Variants in UGT2B4 observed in about 807,000 individuals in gnomAD.
UGT2B4 encodes UDP-glucuronosyltransferase 2B4.
A neutral mutation model predicts 49.8 loss-of-function variants in UGT2B4; 49 were observed. The observed-to-expected ratio is 0.98, with a 90% CI of 0.78 to 1.25. The LOEUF is 1.25. Among genes scored for constraint, UGT2B4 ranks in the 50% most tolerant of loss-of-function variants. The pLI, the probability that UGT2B4 is intolerant of heterozygous loss-of-function variation, is 0.00. For synonymous variants in UGT2B4, 246 were observed against 217.7 expected, an observed-to-expected ratio of 1.13 and a Z score of -1.14; for missense variants, 729 against 627.7, an observed-to-expected ratio of 1.16 and a Z score of -1.73.
At chr4:69,510,744 A>G (rs74921668) in intron 1 of UGT2B4, among the ~76,000 whole-genome samples, 2,942 of 152,142 alleles carry the variant, frequency 0.019, 49 homozygotes, top group South Asian at 0.065. Context: ...TTTTTCACAT[A>G]TAATATCATG....
chr4:69,493,718 C>T lies in UGT2B4; in HGVS notation c.845G>A (p.Cys282Tyr). 1.9e-6 allele frequency: 3 copies of T among 1,608,392 alleles called. No homozygotes were observed. Among genetic ancestry groups the T allele is most frequent in the Non-Finnish European group, 2.5e-6 (3 of 1,177,960 alleles). Residue 282 changes from cysteine (C) to tyrosine (Y), a missense_variant, in exon 2 of 6, where the codon TGC becomes TAC. By Grantham distance (194) the Cys-to-Tyr change is radical. Coordinates refer to ENST00000305107, the MANE Select transcript of UGT2B4 (RefSeq NM_021139.3). ...CTTCGGTAGGGGTTTGGCAGGTTTG[C>T]AGTGGAGTCCTCCAACGAACTCAAC... Reference protein sequence around the residue: ...PNVEFVGGLHCKPAKPLPKEM... With the variant: ...PNVEFVGGLHYKPAKPLPKEM...
intron 1 of UGT2B4, among the ~76,000 whole-genome samples, chr4:69,502,091 C>CTCTCTCTT (rs1553896639): frequency 1.8e-4 from 20 of 108,522 alleles, no homozygotes; most frequent in African/African-American, 5.1e-4. Context: ...TTCTTTCTCT[C>CTCTCTCTT]TCTTTCTTTC....
At chr4:69,494,672 G>A (rs113862026) in intron 1 of UGT2B4, among the ~76,000 whole-genome samples, 4 of 152,172 alleles carry the variant, frequency 2.6e-5, no homozygotes, top group Admixed American at 6.5e-5. Context: ...TGGAGGAAAC[G>A]TTCTAGTAAC....
chr4:69,480,907 A>G lies in UGT2B4; in HGVS notation c.1314T>C (p.Tyr438=). 3.1e-6 allele frequency: 5 copies of G among 1,613,002 alleles called. No homozygotes were observed. The highest frequency in any genetic ancestry group is 4.2e-6 in the Non-Finnish European group (5 of 1,179,328). ...ALKTVINDPL[Y]KENAMKLSRI... is the part of the protein sequence containing the mutation. ...TTGATAATTTCATAGCATTCTCTTTATATCTAAACGATAAGCAGAAAAGTA... is the reference window on the plus strand; with the variant it reads ...TTGATAATTTCATAGCATTCTCTTTGTATCTAAACGATAAGCAGAAAAGTA... The change falls in exon 6 of 6, where the codon TAT becomes TAC. Residue 438 remains tyrosine, a synonymous_variant. Coordinates refer to ENST00000305107, the MANE Select transcript of UGT2B4 (RefSeq NM_021139.3).
At chr4:69,502,661 C>T (rs1386953885) in intron 1 of UGT2B4, among the ~76,000 whole-genome samples, 2 of 152,106 alleles carry the variant, frequency 1.3e-5, no homozygotes, top group African/African-American at 4.8e-5. Flanking sequence ...CCACTCCCTG[C>T]CAGAACTATT....
At chr4:69,523,755 A>T (rs1728899135) in intron 1 of UGT2B4, among the ~76,000 whole-genome samples, 1 of 152,116 alleles carries the variant, frequency 6.6e-6, no homozygotes, top group South Asian at 2.1e-4. Context: ...TCACTATTAA[A>T]GACTCAAGTG....
chr4:69,512,645 T>G (rs550473150), intron 1 of UGT2B4, among the ~76,000 whole-genome samples: 5 of 152,332 alleles, frequency 3.3e-5, no homozygotes, highest in African/African-American at 1.2e-4. Context: ...TCTTCCATGA[T>G]GGTTGAAGTA....
intron 1 of UGT2B4, among the ~76,000 whole-genome samples, chr4:69,520,294 G>A (rs1413568708): frequency 6.6e-6 from 1 of 152,142 alleles, no homozygotes; most frequent in East Asian, 1.9e-4. Context: ...ATTCACTATT[G>A]ATGACAGCTC....
At chr4:69,482,763 T>C (rs935912799) in intron 5 of UGT2B4, among the ~76,000 whole-genome samples, 2 of 151,924 alleles carry the variant, frequency 1.3e-5, no homozygotes, top group South Asian at 2.1e-4. Flanking sequence ...CGCACCACCA[T>C]GCTTGGCTAA....
At chr4:69,493,469 A>G (rs1371675765) in intron 2 of UGT2B4, among the ~76,000 whole-genome samples, 1 of 152,158 alleles carries the variant, frequency 6.6e-6, no homozygotes, top group East Asian at 1.9e-4. Context: ...GCTTTAATTT[A>G]CCAACCCTAT....
intron 3 of UGT2B4, among the ~76,000 whole-genome samples, chr4:69,487,607 G>A (rs931308933): frequency 6.6e-6 from 1 of 151,988 alleles, no homozygotes; most frequent in Non-Finnish European, 1.5e-5. Flanking sequence ...TGGGGGTTGG[G>A]AGGAGAGAAA....
rs945497111 is a variant in UGT2B4, at chr4:69,492,636, G to A, written c.870+1057C>T. ...ATAATATCTCAAGTGACTTACACAT[G>A]TTAAGTAATTCATAGTATTAGTAAT... On this transcript the variant is annotated intron_variant, in intron 2 of 5. Transcript: ENST00000305107. Among the ~76,000 whole-genome samples the A allele has an allele frequency of 1.8e-4, 28 of 152,188 alleles. 1 individual carries two copies. The highest frequency in any genetic ancestry group is 6.3e-4 in the African/African-American group (26 of 41,558).
intron 3 of UGT2B4, among the ~76,000 whole-genome samples, chr4:69,486,998 A>G (rs573502614): frequency 1.4e-4 from 22 of 152,222 alleles, no homozygotes; most frequent in Non-Finnish European, 2.4e-4. Context: ...ACTATATGAA[A>G]AAAAGGTTTA....
At chr4:69,502,310 G>T (rs1302017514) in intron 1 of UGT2B4, among the ~76,000 whole-genome samples, 1 of 151,764 alleles carries the variant, frequency 6.6e-6, no homozygotes, top group Non-Finnish European at 1.5e-5. Context: ...GTATTTTGCT[G>T]CAGCTATCAA....
intron 5 of UGT2B4, among the ~76,000 whole-genome samples, chr4:69,482,617 C>G (rs537720946): frequency 1.2e-3 from 181 of 150,454 alleles, no homozygotes; most frequent in African/African-American, 4.2e-3. Flanking sequence ...TTTTTTTTTC[C>G]TTTTTTTGAG....
chr4:69,500,618 A>AAG (rs1560438352), upstream of UGT2B4, among the ~76,000 whole-genome samples: 70 of 82,564 alleles, frequency 8.5e-4, 1 homozygote, highest in Non-Finnish European at 1.7e-3. Context: ...AGAAAGAAAG[A>AAG]AAGAAAGAAA....
intron 2 of UGT2B4, among the ~76,000 whole-genome samples, chr4:69,490,204 T>C (rs931003773): frequency 2.0e-5 from 3 of 152,142 alleles, no homozygotes; most frequent in African/African-American, 7.2e-5. Flanking sequence ...TCTGCTGTTG[T>C]GGTTTGGAAT....
At chr4:69,496,131 C>T (rs919709166), upstream of UGT2B4, among the ~76,000 whole-genome samples, 6 of 152,024 alleles carry the variant, frequency 3.9e-5, no homozygotes, top group African/African-American at 1.4e-4. Context: ...CACCACTCTC[C>T]TGCCTCAGCC....
At chr4:69,521,748 G>A (rs754421040) in intron 1 of UGT2B4, among the ~76,000 whole-genome samples, 1 of 152,236 alleles carries the variant, frequency 6.6e-6, no homozygotes. Flanking sequence ...GGTTCTGGCT[G>A]GTGAAGCGAT....
Sources: gnomAD v4.1 joint callset for allele counts (sites outside exome capture counted in the v4.1 genomes callset) on GRCh38, gnomAD v4.1.1 for gene constraint, MANE v1.5 for transcripts, NCBI Gene and HGNC (gene_info 2026-07-23, HGNC 2026-07-21) for gene names.